NDUFA10: variants seen among roughly 807,000 people sequenced by gnomAD.
The protein encoded by NDUFA10 is NADH dehydrogenase [ubiquinone] 1 alpha subcomplex subunit 10, mitochondrial.
A neutral mutation model predicts 47.8 loss-of-function variants in NDUFA10; 40 were observed. That is an observed-to-expected ratio of 0.84 (90% CI 0.65 to 1.09). The LOEUF (loss-of-function observed/expected upper bound fraction) is 1.09, where lower values mean the gene tolerates loss of function less well. NDUFA10 is among the 50% of genes least tolerant of loss of function. The pLI, the probability that NDUFA10 is intolerant of heterozygous loss-of-function variation, is 0.00. For missense variants in NDUFA10, 413 were observed against 451.1 expected (o/e 0.92, Z 0.76); for synonymous variants, 183 against 172.2 (o/e 1.06, Z -0.49).
rs1040392454 is a variant in NDUFA10 at position 239,960,408 on chromosome 2, T to C, written c.*710A>G. 2 of 986,326 alleles carry C rather than the reference T, an allele frequency of 2.0e-6. No individual in the cohort carries two copies. The highest frequency in any genetic ancestry group is 6.1e-5 in the Admixed American group (1 of 16,440). 61.1% of individuals were successfully genotyped at this position (986,326 alleles called of 1,614,324 possible). On this transcript the variant is annotated 3_prime_UTR_variant, in exon 10 of 10. Coordinates refer to ENST00000252711, the MANE Select transcript of NDUFA10 (RefSeq NM_004544.4). ...TATATTATTTTGCTTTTGCATCTTA[T>C]GTCATCAACAGCCTAAGCTCAAATC...
intron 3 of NDUFA10, among the ~76,000 whole-genome samples, chr2:240,019,042 T>C (rs1003374334): frequency 3.3e-5 from 5 of 152,102 alleles, no homozygotes; most frequent in East Asian, 1.9e-4. Context: ...TGTGTTACTA[T>C]CACAGCAGCC....
Position 239,945,148 on chromosome 2 carries a change from C to T in NDUFA10, c.294+44926G>A, listed in dbSNP as rs7598581. Among the ~76,000 whole-genome samples the T allele has an allele frequency of 0.027, 4,057 of 152,232 alleles. 182 individuals carry two copies. Among genetic ancestry groups the T allele is most frequent in the African/African-American group, 0.089 (3,716 of 41,544 alleles). ...GGCACGTGTACAGCCATCAGAGCCC[C>T]GGCACCCCTCCCGCAGGAGGGCCTG... On this transcript the variant is annotated intron_variant, in intron 4 of 5. Transcript: ENST00000419408. The surrounding 1 kb of genome is among the most constrained non-coding windows in gnomAD (Gnocchi z 4.6).
At chr2:240,000,859 G>A (rs34917739) in intron 8 of NDUFA10, among the ~76,000 whole-genome samples, 1 of 152,254 alleles carries the variant, frequency 6.6e-6, no homozygotes, top group Non-Finnish European at 1.5e-5. Flanking sequence ...ACACCACCTA[G>A]GTGTGCAGGT....
intron 4 of NDUFA10, among the ~76,000 whole-genome samples, chr2:239,923,752 T>C (rs1478003256): frequency 6.6e-6 from 1 of 151,214 alleles, no homozygotes; most frequent in African/African-American, 2.4e-5. Flanking sequence ...AAAAGAAAAT[T>C]AAAAAGCAGA....
chr2:240,000,198 A>C (rs1696646802), intron 8 of NDUFA10, among the ~76,000 whole-genome samples: 1 of 152,210 alleles, frequency 6.6e-6, no homozygotes, highest in South Asian at 2.1e-4. Flanking sequence ...TAAAAAAGTA[A>C]CTGTACAACA....
chr2:239,898,298 G>C (rs1041789023), intron 4 of NDUFA10, among the ~76,000 whole-genome samples: 5 of 152,250 alleles, frequency 3.3e-5, no homozygotes, highest in African/African-American at 4.8e-5. Flanking sequence ...ACAGTACCTA[G>C]AAAGCCAAGT....
At chr2:239,930,458 G>A (rs369717625) in intron 4 of NDUFA10, among the ~76,000 whole-genome samples, 11 of 151,696 alleles carry the variant, frequency 7.3e-5, no homozygotes, top group East Asian at 2.0e-4. Flanking sequence ...CCACTTCGCC[G>A]AGAGAAATGA....
At chr2:240,021,130 T>G in intron 3 of NDUFA10, 67 bp downstream of exon 3, 1 of 1,381,926 alleles carries the variant, frequency 7.2e-7, no homozygotes, top group Non-Finnish European at 1.0e-6. Context: ...AGTGGCAATT[T>G]AACGTGGTTG....
chr2:239,912,444 GA>G (rs1693771605), intron 4 of NDUFA10, among the ~76,000 whole-genome samples: 2 of 152,228 alleles, frequency 1.3e-5, no homozygotes, highest in African/African-American at 4.8e-5. Flanking sequence ...CCTGAGGGCA[GA>G]AAAGACACAC....
At chr2:239,924,238 A>G (rs1462314077) in intron 4 of NDUFA10, among the ~76,000 whole-genome samples, 1 of 152,102 alleles carries the variant, frequency 6.6e-6, no homozygotes, top group Non-Finnish European at 1.5e-5. Context: ...TGAAAAAGGA[A>G]GCACAAAAAT....
In NDUFA10 at chr2:240,021,426, C is replaced by T. The variant is rs1284125737; in HGVS notation, c.245-14G>A. ...AGTGCTTGAAGCCTGAAAAGAGAAA[C>T]AGTCGGATGCAGTCTGATGCACATC... On this transcript the variant is annotated splice_polypyrimidine_tract_variant and intron_variant, in intron 2 of 9. Coordinates refer to ENST00000252711, the MANE Select transcript of NDUFA10 (RefSeq NM_004544.4). The T allele has an allele frequency of 1.2e-6, 2 of 1,608,450 alleles. No homozygotes were observed. Among genetic ancestry groups the T allele is most frequent in the Non-Finnish European group, 1.7e-6 (2 of 1,175,652 alleles).
intron 8 of NDUFA10, among the ~76,000 whole-genome samples, chr2:240,002,940 C>T (rs906953611): frequency 6.6e-6 from 1 of 152,106 alleles, no homozygotes; most frequent in Non-Finnish European, 1.5e-5. Context: ...GCCTCAACCT[C>T]CCAGGTTCAA....
intron 5 of NDUFA10, chr2:240,011,997 C>T (rs1033972539): frequency 2.6e-6 from 1 of 391,952 alleles, no homozygotes; most frequent in African/African-American, 2.1e-5. Flanking sequence ...GCCTGTCTTT[C>T]CTGTCTGCCT....
rs1490334625 is a variant in NDUFA10, at chr2:239,987,317, G to A, written c.999+2757C>T. 1.3e-5 allele frequency among the ~76,000 whole-genome samples: 2 copies of A among 151,850 alleles called. No homozygotes were observed. Among genetic ancestry groups the A allele is most frequent in the Non-Finnish European group, 2.9e-5 (2 of 67,992 alleles). ...TCAAGCCACGATTCTCAAACCAGGC[G>A]CTGTGCATCGACAGGAGGACTCGCT... On this transcript the variant is annotated intron_variant, in intron 9 of 9. Transcript: ENST00000252711. The surrounding 1 kb of genome is among the most constrained non-coding windows in gnomAD (Gnocchi z 4.8).
intron 9 of NDUFA10, chr2:239,983,648 C>A: frequency 6.3e-7 from 1 of 1,581,770 alleles, no homozygotes; most frequent in Non-Finnish European, 8.6e-7. Context: ...CCAGGCTGCA[C>A]TGACAGCAAG....
intron 8 of NDUFA10, among the ~76,000 whole-genome samples, chr2:239,996,239 T>C (rs752203966): frequency 6.6e-6 from 1 of 152,150 alleles, no homozygotes; most frequent in Non-Finnish European, 1.5e-5. Context: ...CAGCAGAATC[T>C]ACACTCTTCT....
chr2:239,957,048 TG>T (rs911079202), downstream of NDUFA10, among the ~76,000 whole-genome samples: 19 of 152,276 alleles, frequency 1.2e-4, no homozygotes, highest in African/African-American at 3.8e-4. Context: ...CAGTGGGCTC[TG>T]GGGGGTGCCC....
At chr2:239,921,253 G>C (rs1293418378) in intron 4 of NDUFA10, among the ~76,000 whole-genome samples, 1 of 140,974 alleles carries the variant, frequency 7.1e-6, no homozygotes, top group African/African-American at 2.5e-5. Context: ...TGGTAGGTTT[G>C]TGGTCTCACT....
chr2:240,022,148 A>T (rs761037962), intron 2 of NDUFA10, 24 bp downstream of exon 2: 1 of 1,593,018 alleles, frequency 6.3e-7, no homozygotes. Context: ...AAAAGGTATC[A>T]TTCTGTGTAA....
Sources: allele counts gnomAD v4.1 joint callset (sites outside exome capture counted in the v4.1 genomes callset), GRCh38; gene constraint gnomAD v4.1.1; non-coding constraint Gnocchi (gnomAD v3.1); transcripts MANE v1.5; gene names NCBI Gene and HGNC (gene_info 2026-07-23, HGNC 2026-07-21).